CACNA1B: variants seen among roughly 807,000 people sequenced by gnomAD.
CACNA1B encodes the protein voltage-dependent N-type calcium channel subunit alpha-1B.
CACNA1B carries 70 observed loss-of-function variants against 247.2 expected under a neutral mutation model. The ratio of observed to expected loss-of-function variants is 0.28; its 90% CI spans 0.23 to 0.35. The LOEUF (loss-of-function observed/expected upper bound fraction) is 0.35, where lower values mean the gene tolerates loss of function less well. Among genes scored for constraint, CACNA1B ranks in the 10% least tolerant of loss-of-function variants. The pLI is 1.00. For synonymous variants in CACNA1B, 1,231 were observed against 1,294.4 expected, an observed-to-expected ratio of 0.95 and a Z score of 1.05; for missense variants, 2,367 against 3,197.4, an observed-to-expected ratio of 0.74 and a Z score of 6.26.
chr9:137,879,750 G>A (rs989472615), intron 2 of CACNA1B, among the ~76,000 whole-genome samples: 1 of 152,222 alleles, frequency 6.6e-6, no homozygotes, highest in South Asian at 2.1e-4. Flanking sequence ...GAGTCTGTGT[G>A]AGTCAGGGTG....
At chr9:138,113,418 G>T (rs1405679120) in intron 40 of CACNA1B, among the ~76,000 whole-genome samples, 2 of 150,792 alleles carry the variant, frequency 1.3e-5, no homozygotes, top group Non-Finnish European at 3.0e-5. Context: ...ATACGTGAGG[G>T]AACACAATGA....
chr9:138,093,422 A>AAAAAAAG (rs1564282897), intron 36 of CACNA1B, among the ~76,000 whole-genome samples: 2 of 150,468 alleles, frequency 1.3e-5, no homozygotes, highest in African/African-American at 4.9e-5. Flanking sequence ...AAAAAAAAAA[A>AAAAAAAG]AAAAAAGAAG....
At chr9:137,993,265 T>G (rs1432866258) in intron 15 of CACNA1B, among the ~76,000 whole-genome samples, 1 of 152,086 alleles carries the variant, frequency 6.6e-6, no homozygotes, top group Admixed American at 6.5e-5. Flanking sequence ...TTTAGATAAA[T>G]AAAAAGATAA....
intron 39 of CACNA1B, among the ~76,000 whole-genome samples, chr9:138,109,487 C>A (rs143723020): frequency 6.6e-6 from 1 of 152,204 alleles, no homozygotes; most frequent in African/African-American, 2.4e-5. Flanking sequence ...TGTCCTCAAA[C>A]AGACTTGCCT....
At chr9:137,921,471 A>G (rs1957477346) in intron 6 of CACNA1B, among the ~76,000 whole-genome samples, 1 of 146,874 alleles carries the variant, frequency 6.8e-6, no homozygotes, top group African/African-American at 2.5e-5. Context: ...GGAGAACATG[A>G]TCAGCACTGC....
chr9:137,922,928 C>T (rs558044302), intron 6 of CACNA1B, among the ~76,000 whole-genome samples: 1 of 152,306 alleles, frequency 6.6e-6, no homozygotes, highest in South Asian at 2.1e-4. Flanking sequence ...GTCACACCCG[C>T]ATCTCTCCTG....
chr9:138,037,230 T>G (rs1959057390), intron 20 of CACNA1B, among the ~76,000 whole-genome samples: 1 of 152,270 alleles, frequency 6.6e-6, no homozygotes, highest in South Asian at 2.1e-4. Flanking sequence ...CTTCTCAGCC[T>G]TGGAGCTGTT....
chr9:137,912,145 T>A (rs1957366055), intron 3 of CACNA1B, among the ~76,000 whole-genome samples: 1 of 152,202 alleles, frequency 6.6e-6, no homozygotes, highest in Admixed American at 6.5e-5. Context: ...AAGGCAGTTG[T>A]ATATATGAGC....
At position 137,997,671 on chromosome 9, in the gene CACNA1B, T is replaced by C. The variant is rs568337000; in HGVS notation, c.1975-9096T>C. ...CCAAAATTAAGAGATCTAACAATAT[T>C]AAGATTTAGAGAAGAAGTGGAGAAA... On this transcript the variant is annotated intron_variant, in intron 15 of 46. Coordinates refer to ENST00000371372, the MANE Select transcript of CACNA1B (RefSeq NM_000718.4). Among the ~76,000 whole-genome samples the C allele has an allele frequency of 9.9e-5, 15 of 152,282 alleles. No homozygotes were observed. In the South Asian group the frequency reaches 3.1e-3, roughly 32 times the overall value.
rs1321789640 is a variant in CACNA1B, at chr9:137,880,907, G to A, written c.390+1748G>A. 2.6e-5 allele frequency among the ~76,000 whole-genome samples: 4 copies of A among 152,076 alleles called. No homozygotes were observed. The highest frequency in any genetic ancestry group is 3.9e-4 in the East Asian group (2 of 5,166). On this transcript the variant is annotated intron_variant, in intron 2 of 46. Transcript: ENST00000371372. This position sits in a 1 kb window ranked among gnomAD's most constrained non-coding sequence, Gnocchi z 4.8. The stretch of plus-strand genomic sequence containing the variant: ...TCTCGGGGCTGTTTCCCACCTCCCC[G>A]TCGACTCTGGAGCTACCTCGAGCCA...
At chr9:138,101,150 G>A (rs746860895) in intron 37 of CACNA1B, 1 of 533,190 alleles carries the variant, frequency 1.9e-6, no homozygotes, top group Admixed American at 1.9e-5. Context: ...GCGTTGTATT[G>A]CGCCACCCGT....
Position 137,950,577 on chromosome 9 carries a change from G to A in CACNA1B, c.967-1697G>A, listed in dbSNP as rs1245429338. On this transcript the variant is annotated intron_variant, in intron 6 of 46. Coordinates refer to ENST00000371372, the MANE Select transcript of CACNA1B (RefSeq NM_000718.4). This position sits in a 1 kb window ranked among gnomAD's most constrained non-coding sequence, Gnocchi z 4.8. ...CCTCTGGGTCTTTGCTGGAAGGGAG[G>A]GATGGAGATGGAGCCAGCGTTTTCT... 2.6e-5 allele frequency among the ~76,000 whole-genome samples: 4 copies of A among 152,182 alleles called. No homozygotes were observed. Among genetic ancestry groups the A allele is most frequent in the African/African-American group, 9.7e-5 (4 of 41,448 alleles).
chr9:137,910,285 T>A (rs933967688), intron 3 of CACNA1B, among the ~76,000 whole-genome samples: 1 of 152,196 alleles, frequency 6.6e-6, no homozygotes, highest in Admixed American at 6.5e-5. Context: ...TTTCTGGATA[T>A]TAATCCCTTA....
Position 138,115,675 on chromosome 9 carries a change from G to T in CACNA1B, c.5773G>T (p.Ala1925Ser). 1.2e-6 allele frequency: 2 copies of T among 1,612,506 alleles called. No individual in the cohort carries two copies. Among genetic ancestry groups the T allele is most frequent in the Non-Finnish European group, 1.7e-6 (2 of 1,179,168 alleles). ...TTCCACCTCCCTCAGCAATGGCGGG[G>T]CCATGTGAGTATCCAGATGCAGGAC... The part of the protein sequence containing the change: ...KSSTSLSNGG[A>S]IQNQESGIKE... The change falls in exon 42 of 47, where the codon GCC (alanine) becomes TCC (serine). Residue 1925 changes from alanine to serine, a missense_variant. This residue lies in a region of CACNA1B where 773 missense variants were observed against 779.4 expected (regional missense o/e 0.99). Coordinates refer to ENST00000371372, the MANE Select transcript of CACNA1B (RefSeq NM_000718.4).
intron 13 of CACNA1B, among the ~76,000 whole-genome samples, chr9:137,985,189 C>T (rs1019586662): frequency 1.3e-5 from 2 of 152,230 alleles, no homozygotes; most frequent in Admixed American, 6.5e-5. Context: ...CAACTGAAAT[C>T]CCAGGTCTTT....
Position 138,120,725 on chromosome 9 carries a change from C to G in CACNA1B, c.6333C>G (p.Ser2111=). 6.5e-7 allele frequency: 1 copy of G among 1,536,648 alleles called. No homozygotes were observed. Among genetic ancestry groups the G allele is most frequent in the Non-Finnish European group, 8.7e-7 (1 of 1,143,814 alleles). The change falls in exon 46 of 47, where the codon TCC becomes TCG. Residue 2111 remains serine (S), a synonymous_variant. Transcript: ENST00000371372. ...AGCGCCGGCAGGAGCGGGGCCGGTC[C>G]CAGGAGCGGAGGCAGCCCTCATCCT... ...ERERRQERGR[S]QERRQPSSSS...
At chr9:137,939,581 C>T (rs983083063) in intron 6 of CACNA1B, among the ~76,000 whole-genome samples, 11 of 151,714 alleles carry the variant, frequency 7.3e-5, no homozygotes, top group South Asian at 6.2e-4. Context: ...AGGTGGATCA[C>T]GAGGTCAGGA....
chr9:138,049,951 C>A, intron 24 of CACNA1B: 2 of 578,728 alleles, frequency 3.5e-6, no homozygotes, highest in Non-Finnish European at 2.9e-6. Flanking sequence ...GATCCAGAGA[C>A]AAGGAAGACC....
chr9:137,945,451 T>C (rs1347527794), intron 6 of CACNA1B, among the ~76,000 whole-genome samples: 1 of 152,242 alleles, frequency 6.6e-6, no homozygotes, highest in Non-Finnish European at 1.5e-5. Context: ...ATGTCTGACC[T>C]TAGATGGGTG....
Sources: allele counts gnomAD v4.1 joint callset (sites outside exome capture counted in the v4.1 genomes callset), GRCh38; gene constraint gnomAD v4.1.1; regional missense constraint gnomAD v4.1.1; non-coding constraint Gnocchi (gnomAD v3.1); transcripts MANE v1.5; gene names NCBI Gene and HGNC (gene_info 2026-07-23, HGNC 2026-07-21).